The following ALB variants were observed in gnomAD, a reference collection of about 807,000 sequenced individuals.
ALB encodes serum albumin.
ALB carries 37 observed loss-of-function variants against 74.5 expected under a neutral mutation model. The observed-to-expected ratio is 0.50, with a 90% confidence interval of 0.38 to 0.65. The LOEUF (loss-of-function observed/expected upper bound fraction) is 0.65. ALB is among the 30% of genes least tolerant of loss of function. ALB has a pLI of 0.00. For synonymous variants in ALB, 249 were observed against 251.6 expected, an observed-to-expected ratio of 0.99 and a Z score of 0.10; for missense variants, 685 against 718.7, an observed-to-expected ratio of 0.95 and a Z score of 0.54.
intron 10 of ALB, 108 bp downstream of exon 10, chr4:73,416,461 T>C: frequency 1.2e-6 from 1 of 802,978 alleles, no homozygotes; most frequent in Non-Finnish European, 2.1e-6. Context: ...ACATTGCATA[T>C]TTCTAATCAC....
intron 4 of ALB, 52 bp downstream of exon 4, chr4:73,408,857 A>C: frequency 6.9e-7 from 1 of 1,440,160 alleles, no homozygotes. Context: ...GAGTAACTCC[A>C]TAGGCCAACA....
At chr4:73,415,953 G>A (rs1719001021) in intron 9 of ALB, among the ~76,000 whole-genome samples, 2 of 152,104 alleles carry the variant, frequency 1.3e-5, no homozygotes, top group Admixed American at 1.3e-4. Flanking sequence ...CCTATTTTAG[G>A]GATAAGGATT....
chr4:73,409,146 T>G, intron 4 of ALB: 1 of 536,540 alleles, frequency 1.9e-6, no homozygotes. Context: ...TAACCATTTA[T>G]GCACACACAC....
In ALB at chr4:73,404,407, G is replaced by A. The variant is rs77408163; in HGVS notation, c.79+1G>A. 1 of 1,608,304 alleles carries A rather than the reference G, an allele frequency of 6.2e-7. No homozygotes were observed. On this transcript the variant is annotated splice_donor_variant, in intron 1 of 14. Coordinates refer to ENST00000295897, the MANE Select transcript of ALB (RefSeq NM_000477.7). LOFTEE classifies it high-confidence loss of function. ...AGGGGTGTGTTTCGTCGAGATGCAC[G>A]TAAGAAATCCATTTTTCTATTGTTC...
At chr4:73,419,192 G>T (rs576986934) in intron 12 of ALB, 49 of 242,970 alleles carry the variant, frequency 2.0e-4, no homozygotes, top group African/African-American at 1.1e-3. Context: ...ATATATAATT[G>T]CAATGACATA....
chr4:73,417,889 T>A, intron 11 of ALB, 199 bp from the exon 12 acceptor site: 1 of 701,842 alleles, frequency 1.4e-6, no homozygotes, highest in Non-Finnish European at 2.3e-6. Flanking sequence ...CGCTTTGTTG[T>A]CCAGGCTGGA....
chr4:73,415,369 A>C, intron 9 of ALB: 1 of 619,832 alleles, frequency 1.6e-6, no homozygotes, highest in Non-Finnish European at 2.7e-6. Flanking sequence ...GAATAGAAAG[A>C]TCTGAATAGA....
intron 1 of ALB, 153 bp from the exon 2 acceptor site, chr4:73,404,963 A>T: frequency 2.9e-6 from 2 of 679,646 alleles, no homozygotes; most frequent in Non-Finnish European, 5.2e-6. Flanking sequence ...GAAATAATTG[A>T]ACATCATCCT....
At chr4:73,410,849 A>T (rs528152032) in intron 6 of ALB, among the ~76,000 whole-genome samples, 77 of 152,178 alleles carry the variant, frequency 5.1e-4, no homozygotes, top group Non-Finnish European at 8.5e-4. Context: ...CAACATATAT[A>T]ATCCCTTTAT....
At position 73,409,561 on chromosome 4, in the gene ALB, G is replaced by A; in HGVS notation, c.615+74G>A. The stretch of plus-strand genomic sequence containing the variant: ...TTGTCCATTTTGTGGCTAGATTTAG[G>A]GAACCTGAGTGTCTGATACAAACTT... On this transcript the variant is annotated intron_variant, in intron 5 of 14. Coordinates refer to ENST00000295897, the MANE Select transcript of ALB (RefSeq NM_000477.7). The A allele has an allele frequency of 1.9e-6, 3 of 1,590,972 alleles. No individual in the cohort carries two copies. In the South Asian group the frequency reaches 3.3e-5, roughly 18 times the overall value.
At chr4:73,418,617 G>A (rs1486088934) in intron 12 of ALB, among the ~76,000 whole-genome samples, 1 of 152,074 alleles carries the variant, frequency 6.6e-6, no homozygotes, top group Non-Finnish European at 1.5e-5. Context: ...TGTGCACATG[G>A]CAAATTAGTT....
chr4:73,405,584 G>T (rs1718699614), intron 2 of ALB, among the ~76,000 whole-genome samples: 1 of 151,856 alleles, frequency 6.6e-6, no homozygotes, highest in Non-Finnish European at 1.5e-5. Context: ...GCTTAGTTGG[G>T]AATATTTAAT....
chr4:73,414,940 G>C (rs966868402), intron 8 of ALB, 95 bp from the exon 9 acceptor site: 1 of 1,496,248 alleles, frequency 6.7e-7, no homozygotes, highest in Non-Finnish European at 9.3e-7. Flanking sequence ...GTCAAATTAA[G>C]ACTTTTGGAA....
intron 7 of ALB, among the ~76,000 whole-genome samples, chr4:73,412,470 A>T (rs1388771139): frequency 6.6e-6 from 1 of 152,050 alleles, no homozygotes; most frequent in East Asian, 1.9e-4. Context: ...TTTAAGACAG[A>T]GTTTCGCTCT....
chr4:73,404,707 A>G (rs10002897), intron 1 of ALB, among the ~76,000 whole-genome samples: 21,891 of 152,122 alleles, frequency 0.14, 1,910 homozygotes, highest in Non-Finnish European at 0.2. Context: ...TGAATTCATA[A>G]CTATCCCAAA....
In ALB at chr4:73,421,144, T is replaced by C. The variant is rs1451473881; in HGVS notation, c.*76T>C. 1 of 694,654 alleles carries C rather than the reference T, an allele frequency of 1.4e-6. No individual in the cohort carries two copies. Among genetic ancestry groups the C allele is most frequent in the Non-Finnish European group, 2.6e-6 (1 of 382,322 alleles). 43.0% of individuals were successfully genotyped at this position (694,654 alleles called of 1,614,324 possible). A position where few individuals can be genotyped will look rare whatever the true frequency, so the allele number is the denominator to read the frequency against. Reference sequence around the variant, plus strand: ...TGAAGATCAAAAGCTTATTCATCTGTTTTTCTTTTTCGTTGGTGTAAAGCC... The same window carrying C: ...TGAAGATCAAAAGCTTATTCATCTGCTTTTCTTTTTCGTTGGTGTAAAGCC... On this transcript the variant is annotated 3_prime_UTR_variant, in exon 15 of 15. Coordinates refer to ENST00000295897, the MANE Select transcript of ALB (RefSeq NM_000477.7).
intron 9 of ALB, 155 bp downstream of exon 9, chr4:73,415,322 G>A: frequency 1.1e-6 from 1 of 926,870 alleles, no homozygotes; most frequent in South Asian, 1.5e-5. Context: ...GAAAGAAAAA[G>A]TAGCCTTAGA....
At chr4:73,419,480 T>C (rs1357864329) in intron 12 of ALB, 27 bp from the exon 13 acceptor site, 5 of 1,603,802 alleles carry the variant, frequency 3.1e-6, no homozygotes, top group African/African-American at 1.3e-5. Context: ...TTCTGTTTTT[T>C]TTTTTTCTTT....
intron 14 of ALB, 63 bp downstream of exon 14, chr4:73,420,384 T>C (rs1246923160): frequency 8.6e-7 from 1 of 1,164,432 alleles, no homozygotes; most frequent in African/African-American, 1.5e-5. Flanking sequence ...ATAGCAAAGA[T>C]TGACCATTTC....
Sources: allele counts gnomAD v4.1 joint callset (sites outside exome capture counted in the v4.1 genomes callset), GRCh38; gene constraint gnomAD v4.1.1; transcripts MANE v1.5; gene names NCBI Gene and HGNC (gene_info 2026-07-23, HGNC 2026-07-21).